The following TMEM248 variants were observed in gnomAD, a reference collection of about 807,000 sequenced individuals.
TMEM248 encodes the protein transmembrane protein 248, also known as UPF0458 protein C7orf42.
A neutral mutation model predicts 30.3 loss-of-function variants in TMEM248; 9 were observed. The ratio of observed to expected loss-of-function variants is 0.30; its 90% CI spans 0.18 to 0.52. The LOEUF (loss-of-function observed/expected upper bound fraction) is 0.52, where lower values mean the gene tolerates loss of function less well. TMEM248 is among the 20% of genes least tolerant of loss of function. TMEM248 has a pLI of 0.97. For synonymous variants in TMEM248, 184 were observed against 154.4 expected, an observed-to-expected ratio of 1.19 and a Z score of -1.42; for missense variants, 338 against 403.3, an observed-to-expected ratio of 0.84 and a Z score of 1.39.
intron 1 of TMEM248, among the ~76,000 whole-genome samples, chr7:66,923,774 C>G (rs910268151): frequency 6.6e-6 from 1 of 152,078 alleles, no homozygotes; most frequent in Non-Finnish European, 1.5e-5. Flanking sequence ...TGGGTTCAAG[C>G]GATTCCTCAG....
Position 66,948,660 on chromosome 7 carries a change from C to T in TMEM248, c.562C>T (p.Leu188Phe). 6.2e-7 allele frequency: 1 copy of T among 1,613,976 alleles called. No homozygotes were observed. Reference sequence around the variant, plus strand: ...GGTGGTATTCACAGCCTGCATGACCCTCACGGCCAGCCCTGGGGTGTTCCC... The same window carrying T: ...GGTGGTATTCACAGCCTGCATGACCTTCACGGCCAGCCCTGGGGTGTTCCC... ...EQVVFTACMT[L>F]TASPGVFPVT... Residue 188 changes from leucine to phenylalanine, a missense_variant, in exon 4 of 7, where the codon CTC becomes TTC. Transcript: ENST00000341567.
At chr7:66,949,700 C>A (rs10266087) in intron 4 of TMEM248, among the ~76,000 whole-genome samples, 4,573 of 152,142 alleles carry the variant, frequency 0.03, 213 homozygotes, top group African/African-American at 0.1. Flanking sequence ...GTTTTAAAAT[C>A]AAATATAAAT....
chr7:66,923,649 C>T (rs191122105), intron 1 of TMEM248, among the ~76,000 whole-genome samples: 1 of 152,206 alleles, frequency 6.6e-6, no homozygotes, highest in Admixed American at 6.5e-5. Context: ...CATAAGCTAC[C>T]CAGTCTAGTT....
In TMEM248 at chr7:66,957,317, T is replaced by C. The variant is rs879211201; in HGVS notation, c.*1795T>C. On this transcript the variant is annotated 3_prime_UTR_variant, in exon 7 of 7. Transcript: ENST00000341567. ...CCAGGCATTTTTGAATAGAAAACAG[T>C]TGCGTGCTTTTATTGAAGATTGTTA... 2.0e-5 allele frequency: 3 copies of C among 152,382 alleles called. No homozygotes were observed. The highest frequency in any genetic ancestry group is 4.1e-4 in the South Asian group (2 of 4,828). 9.4% of individuals were successfully genotyped at this position (152,382 alleles called of 1,614,324 possible).
At position 66,945,098 on chromosome 7, in the gene TMEM248, C is replaced by T. The variant is rs371288623; in HGVS notation, c.282C>T (p.Ala94=). ...AAAGTACAATGACCAGCGGGCAGGC[C>T]CGAGCTTCCACCCAGTCCCCCCAGG... is the stretch of plus-strand genomic sequence containing the variant. ...TPESTMTSGQ[A]RASTQSPQAL... The change falls in exon 3 of 7, where the codon GCC becomes GCT. Residue 94 remains alanine (A), a synonymous_variant. Coordinates refer to ENST00000341567, the MANE Select transcript of TMEM248 (RefSeq NM_017994.5). The T allele has an allele frequency of 5.6e-6, 9 of 1,614,112 alleles. 1 individual carries two copies. The highest frequency in any genetic ancestry group is 6.8e-6 in the Non-Finnish European group (8 of 1,180,056).
At chr7:66,954,784 G>T (rs1405098552) in intron 6 of TMEM248, among the ~76,000 whole-genome samples, 2 of 152,132 alleles carry the variant, frequency 1.3e-5, no homozygotes, top group African/African-American at 4.8e-5. Context: ...TTCATTAGAA[G>T]TGTCTTTACT....
At chr7:66,953,918 C>T (rs563857527) in intron 6 of TMEM248, among the ~76,000 whole-genome samples, 8 of 137,006 alleles carry the variant, frequency 5.8e-5, no homozygotes, top group Non-Finnish European at 7.7e-5. Flanking sequence ...TCCTCTGTAA[C>T]GTTAATCTCT....
chr7:66,939,350 A>G (rs34816289), intron 1 of TMEM248, among the ~76,000 whole-genome samples: 15,750 of 152,246 alleles, frequency 0.1, 997 homozygotes, highest in South Asian at 0.2. Context: ...GAATAACTCA[A>G]CCACAGAACA....
chr7:66,937,941 G>A (rs1369517452), intron 1 of TMEM248, among the ~76,000 whole-genome samples: 3 of 152,118 alleles, frequency 2.0e-5, no homozygotes, highest in Admixed American at 2.0e-4. Flanking sequence ...GGTCAGGCTG[G>A]TCTCGAACTC....
chr7:66,933,296 C>T (rs939666307), intron 1 of TMEM248, among the ~76,000 whole-genome samples: 5 of 152,178 alleles, frequency 3.3e-5, no homozygotes, highest in African/African-American at 9.7e-5. Context: ...CAGCCCCCCA[C>T]GTAGCTGGGA....
intron 2 of TMEM248, 60 bp downstream of exon 2, chr7:66,942,084 T>G (rs1322019609): frequency 3.9e-6 from 6 of 1,544,890 alleles, no homozygotes; most frequent in Non-Finnish European, 4.4e-6. Context: ...GGCAACACCC[T>G]GTGGCTTGCC....
At chr7:66,946,457 G>A (rs369775134) in intron 3 of TMEM248, among the ~76,000 whole-genome samples, 4 of 152,036 alleles carry the variant, frequency 2.6e-5, no homozygotes, top group South Asian at 2.1e-4. Context: ...GCAGGCGCCC[G>A]TGATCCCAGC....
chr7:66,921,541 T>G (rs1209851665), intron 1 of TMEM248, 80 bp downstream of exon 1: 1 of 151,902 alleles, frequency 6.6e-6, no homozygotes, highest in Admixed American at 6.6e-5. Flanking sequence ...AGCGTGCTGG[T>G]CGGGAGCGGC....
rs530968962 is a variant in TMEM248, at chr7:66,941,871, C to T, written c.6C>T (p.Phe2=). The T allele has an allele frequency of 6.2e-7, 1 of 1,613,446 alleles. No individual in the cohort carries two copies. The highest frequency in any genetic ancestry group is 1.3e-5 in the African/African-American group (1 of 75,010). ...AGGTGGAGCTGATCAGAATAATGTT[C>T]AGCATCAACCCCCTGGAGAACCTGA... is the stretch of plus-strand genomic sequence containing the variant. The part of the protein sequence containing the change: M[F]SINPLENLKV... The change falls in exon 2 of 7, where the codon TTC becomes TTT. Residue 2 remains phenylalanine, a synonymous_variant. Transcript: ENST00000341567.
intron 1 of TMEM248, among the ~76,000 whole-genome samples, chr7:66,938,767 A>G (rs1290441817): frequency 6.6e-6 from 1 of 152,152 alleles, no homozygotes; most frequent in South Asian, 2.1e-4. Flanking sequence ...TGGCATCCCA[A>G]AGTGCTGGGA....
rs752811678 is a variant in TMEM248, at chr7:66,950,932, C to T, written c.597-20C>T. 18 of 1,532,286 alleles carry T rather than the reference C, an allele frequency of 1.2e-5. No individual in the cohort carries two copies. Among genetic ancestry groups the T allele is most frequent in the South Asian group, 2.6e-5 (2 of 78,122 alleles). 94.9% of individuals were successfully genotyped at this position (1,532,286 alleles called of 1,614,324 possible). On this transcript the variant is annotated intron_variant, in intron 4 of 6. Coordinates refer to ENST00000341567, the MANE Select transcript of TMEM248 (RefSeq NM_017994.5). Reference sequence around the variant, plus strand: ...TCAGGCCACTGAGCACGTGTCTTTCCTCCTCCTCTTCTCCTGCAGACAGCC... The same window carrying T: ...TCAGGCCACTGAGCACGTGTCTTTCTTCCTCCTCTTCTCCTGCAGACAGCC...
chr7:66,933,961 TTTTC>T, intron 1 of TMEM248, among the ~76,000 whole-genome samples: 1 of 151,012 alleles, frequency 6.6e-6, no homozygotes, highest in Middle Eastern at 3.4e-3. Flanking sequence ...TTTTATCTCT[TTTTC>T]TTTTTTTTTT....
At position 66,945,144 on chromosome 7, in the gene TMEM248, G is replaced by T. The variant is rs1473966633; in HGVS notation, c.328G>T (p.Val110Leu). The T allele has an allele frequency of 2.5e-6, 4 of 1,614,074 alleles. No individual in the cohort carries two copies. Among genetic ancestry groups the T allele is most frequent in the East Asian group, 2.2e-5 (1 of 44,894 alleles). The change falls in exon 3 of 7, where the codon GTG becomes TTG. Residue 110 changes from valine (V) to leucine (L), a missense_variant. By Grantham distance (32) the Val-to-Leu change is conservative (BLOSUM62 1). Coordinates refer to ENST00000341567, the MANE Select transcript of TMEM248 (RefSeq NM_017994.5). Reference sequence around the variant, plus strand: ...CCAGGCCCTGGAGGACTCGGGCCCGGTGAATATCTCAGTCTCAATCACCCT... The same window carrying T: ...CCAGGCCCTGGAGGACTCGGGCCCGTTGAATATCTCAGTCTCAATCACCCT... The part of the protein sequence containing the change: ...SPQALEDSGP[V>L]NISVSITLTL...
chr7:66,935,375 G>T (rs1791774823), intron 1 of TMEM248, among the ~76,000 whole-genome samples: 3 of 152,108 alleles, frequency 2.0e-5, no homozygotes, highest in African/African-American at 7.2e-5. Flanking sequence ...TAGAGACAGG[G>T]TTTCACCATG....
Sources: gnomAD v4.1 joint callset for allele counts (sites outside exome capture counted in the v4.1 genomes callset) on GRCh38, gnomAD v4.1.1 for gene constraint, MANE v1.5 for transcripts, NCBI Gene and HGNC (gene_info 2026-07-23, HGNC 2026-07-21) for gene names.